Variants in CARD9 observed in about 807,000 individuals in gnomAD.
CARD9 encodes the protein caspase recruitment domain family member 9, also known as caspase recruitment domain-containing protein 9.
Under a neutral mutation model 66.0 loss-of-function variants are expected in CARD9, and 53 were observed. The ratio of observed to expected loss-of-function variants is 0.80; its 90% CI spans 0.64 to 1.01. The LOEUF (loss-of-function observed/expected upper bound fraction) is 1.01. Ranked by LOEUF, CARD9 falls within the 50% of genes least tolerant of loss-of-function variation. The pLI, the probability that CARD9 is intolerant of heterozygous loss-of-function variation, is 0.00. For missense variants in CARD9, 769 were observed against 743.2 expected, an observed-to-expected ratio of 1.03 and a Z score of -0.40; for synonymous variants, 387 against 313.8, an observed-to-expected ratio of 1.23 and a Z score of -2.47.
intron 10 of CARD9, 55 bp downstream of exon 10, chr9:136,366,745 G>A: frequency 1.9e-6 from 3 of 1,588,614 alleles, no homozygotes; most frequent in South Asian, 1.1e-5. Flanking sequence ...GCTGAAGATG[G>A]GCCTCACTTG....
Position 136,371,245 on chromosome 9 carries a change from G to A in CARD9, c.322+79C>T, listed in dbSNP as rs1324647235. The A allele has an allele frequency of 2.5e-6, 4 of 1,578,800 alleles. No individual in the cohort carries two copies. In the African/African-American group the frequency reaches 5.4e-5, roughly 21 times the overall value. ...GGAGCTCAGGGCTCCTAGGGATGGGGGCCAGGCAGAGGACCCAACACCACT... is the reference window on the plus strand; with the variant it reads ...GGAGCTCAGGGCTCCTAGGGATGGGAGCCAGGCAGAGGACCCAACACCACT... On this transcript the variant is annotated intron_variant, in intron 3 of 12. Coordinates refer to ENST00000371732, the MANE Select transcript of CARD9 (RefSeq NM_052813.5).
chr9:136,370,562 AG>A lies in CARD9; in HGVS notation c.766del (p.Leu256CysfsTer106), dbSNP rs1833240016. 6.2e-6 allele frequency: 10 copies of A among 1,610,190 alleles called. No homozygotes were observed. Among genetic ancestry groups the A allele is most frequent in the Non-Finnish European group, 8.5e-6 (10 of 1,179,138 alleles). ...CAGCTCCTGCACCCGGGCCTGGAGC[AG>A]GGCCTTCTCCTGCTGCAGCTCCCAC... Reference protein sequence around the residue: ...LLWELQQEKALLQARVQELEA... With the variant: ...LLWELQQEKAXLQARVQELEA... On this transcript the variant is annotated frameshift_variant, in exon 5 of 13. Coordinates refer to ENST00000371732, the MANE Select transcript of CARD9 (RefSeq NM_052813.5). LOFTEE classifies it high-confidence loss of function.
chr9:136,369,902 A>G, intron 6 of CARD9, 27 bp from the exon 7 acceptor site: 1 of 1,609,140 alleles, frequency 6.2e-7, no homozygotes, highest in Non-Finnish European at 8.5e-7. Context: ...CTCAGCCCCC[A>G]CAGGCCTGAG....
intron 11 of CARD9, 51 bp downstream of exon 11, chr9:136,365,090 G>C: frequency 6.4e-7 from 1 of 1,574,670 alleles, no homozygotes; most frequent in Non-Finnish European, 8.7e-7. Flanking sequence ...CCCTGTGATC[G>C]GTCACCCTGA....
chr9:136,372,019 C>A lies in CARD9; in HGVS notation c.60G>T (p.Thr20=). The part of the protein sequence containing the change: ...CWSVLEGFRV[T]LTSVIDPSRI... ...GTGAGGGGTCGATGACCGAGGTGAG[C>A]GTCACCCGGAAGCCCTCCAGGACGC... The change falls in exon 2 of 13, where the codon ACG becomes ACT. Residue 20 remains threonine, a synonymous_variant. Transcript: ENST00000371732. 6.2e-7 allele frequency: 1 copy of A among 1,612,800 alleles called. No individual in the cohort carries two copies. Among genetic ancestry groups the A allele is most frequent in the Non-Finnish European group, 8.5e-7 (1 of 1,179,956 alleles).
In CARD9 at chr9:136,369,863, T is replaced by C. The variant is rs1344488795; in HGVS notation, c.964A>G (p.Lys322Glu). 9 of 1,612,424 alleles carry C rather than the reference T, an allele frequency of 5.6e-6. No individual in the cohort carries two copies. Among genetic ancestry groups the C allele is most frequent in the Admixed American group, 1.7e-5 (1 of 60,012 alleles). ...EARRLRCMEE[K>E]EMFELQCLAL... ...AGGCACTGCAGCTCGAACATCTCCT[T>C]CTCCTCCATGCACTGCAGGGGGCGG... The change falls in exon 7 of 13, where the codon AAG (lysine) becomes GAG (glutamate). Residue 322 changes from lysine to glutamate, a missense_variant. Transcript: ENST00000371732.
intron 9 of CARD9, 95 bp from the exon 10 acceptor site, chr9:136,366,940 G>GA: frequency 7.1e-7 from 1 of 1,409,476 alleles, no homozygotes; most frequent in African/African-American, 1.4e-5. Context: ...TCAGCTGGGT[G>GA]CAGCCATTGC....
chr9:136,371,520 GGGTGGGCCTGGGGGCAGGGACA>G, intron 2 of CARD9, 59 bp from the exon 3 acceptor site: 1 of 1,477,952 alleles, frequency 6.8e-7, no homozygotes, highest in Non-Finnish European at 9.2e-7. Context: ...GGGCTGGGGT[GGGTGGGCCTGGGGGCAGGGACA>G]GGTGGAGGCT....
chr9:136,366,414 CCT>C (rs1264513308), intron 10 of CARD9: 1 of 272,948 alleles, frequency 3.7e-6, no homozygotes, highest in Non-Finnish European at 7.1e-6. Context: ...TTACCACCTC[CCT>C]CTGTCCAGGA....
At chr9:136,369,998 T>G (rs951178457) in intron 6 of CARD9, 123 bp from the exon 7 acceptor site, 14 of 1,527,212 alleles carry the variant, frequency 9.2e-6, no homozygotes, top group Non-Finnish European at 1.1e-5. Flanking sequence ...GGGGAGGCCA[T>G]AGGAGTCCCC....
rs765194133 is a variant in CARD9, at chr9:136,369,726, T to C, written c.1077+24A>G. 2.5e-6 allele frequency: 4 copies of C among 1,576,426 alleles called. No individual in the cohort carries two copies. In the African/African-American group the frequency reaches 4.0e-5, roughly 16 times the overall value. ...GCACCCACCCGCGAGTGGGGTGCTTTGTCCTGCCCCTGCGAGTGCCCACCT... is the reference window on the plus strand; with the variant it reads ...GCACCCACCCGCGAGTGGGGTGCTTCGTCCTGCCCCTGCGAGTGCCCACCT... On this transcript the variant is annotated intron_variant, in intron 7 of 12. Transcript: ENST00000371732.
Position 136,365,176 on chromosome 9 carries a change from C to A in CARD9, c.1399G>T (p.Ala467Ser), listed in dbSNP as rs2131432810. 6.2e-7 allele frequency: 1 copy of A among 1,611,438 alleles called. No individual in the cohort carries two copies. Among genetic ancestry groups the A allele is most frequent in the South Asian group, 1.1e-5 (1 of 91,040 alleles). ...GGGSPKQPFA[A>S]LHQEQVLRNP... ...CGCAAAACCTGCTCCTGGTGCAGAG[C>A]TGCAAAGGGCTGTTTCGGGCTCCCC... Residue 467 changes from alanine (A) to serine (S), a missense_variant, in exon 11 of 13, where the codon GCT (alanine) becomes TCT (serine). Physicochemically the swap from Ala to Ser is moderately conservative, Grantham distance 99. Transcript: ENST00000371732.
chr9:136,371,321 C>T lies in CARD9; in HGVS notation c.322+3G>A, dbSNP rs1455914676. The stretch of plus-strand genomic sequence containing the variant: ...TGTCGGCCCCGCCTCCCCCGTCACT[C>T]ACCGATGATCATGGAGAAGACGCGG... On this transcript the variant is annotated splice_donor_region_variant and intron_variant, in intron 3 of 12. Coordinates refer to ENST00000371732, the MANE Select transcript of CARD9 (RefSeq NM_052813.5). 2 of 1,601,566 alleles carry T rather than the reference C, an allele frequency of 1.2e-6. No individual in the cohort carries two copies. Among genetic ancestry groups the T allele is most frequent in the Non-Finnish European group, 1.7e-6 (2 of 1,174,682 alleles).
Position 136,365,216 on chromosome 9 carries a change from G to A in CARD9, c.1359C>T (p.Gly453=), listed in dbSNP as rs1489024588. ...TCGGGCTCCCCCCGCCGGCAAGGCA[G>A]CCTGGAAAGGAGAGTCGTGCCTGTG... ...DLEDTQLSDK[G]CLAGGGSPKQ... The change falls in exon 11 of 13, where the codon GGC becomes GGT. Residue 453 remains glycine (G), a splice_region_variant and synonymous_variant. Transcript: ENST00000371732. 3 of 1,608,410 alleles carry A rather than the reference G, an allele frequency of 1.9e-6. No individual in the cohort carries two copies. The highest frequency in any genetic ancestry group is 2.5e-6 in the Non-Finnish European group (3 of 1,179,872).
chr9:136,364,260 G>A lies in CARD9; in HGVS notation c.*42C>T. 2 of 1,550,614 alleles carry A rather than the reference G, an allele frequency of 1.3e-6. No individual in the cohort carries two copies. The highest frequency in any genetic ancestry group is 2.4e-5 in the East Asian group (1 of 41,060). On this transcript the variant is annotated 3_prime_UTR_variant, in exon 13 of 13. Coordinates refer to ENST00000371732, the MANE Select transcript of CARD9 (RefSeq NM_052813.5). ...CGGCACCCCCGGGTGGCAGGAGGCCGGGCCGGTGGGTGTGCCCTGGTCGGG... is the reference window on the plus strand; with the variant it reads ...CGGCACCCCCGGGTGGCAGGAGGCCAGGCCGGTGGGTGTGCCCTGGTCGGG...
In CARD9 at chr9:136,370,009, A is replaced by G. The variant is rs986663077; in HGVS notation, c.952-134T>C. ...GTCGGGGGAGGCCATAGGAGTCCCC[A>G]GGCCCCTACCAGCCCTGCACTTCCA... On this transcript the variant is annotated intron_variant, in intron 6 of 12. Coordinates refer to ENST00000371732, the MANE Select transcript of CARD9 (RefSeq NM_052813.5). The G allele has an allele frequency of 8.7e-6, 13 of 1,498,718 alleles. No homozygotes were observed. The African/African-American group carries it at 1.4e-4, about 16-fold the overall frequency. 92.8% of individuals were successfully genotyped at this position (1,498,718 alleles called of 1,614,324 possible).
At chr9:136,371,226 C>G in intron 3 of CARD9, 81 bp from the exon 4 acceptor site, 2 of 1,587,992 alleles carry the variant, frequency 1.3e-6, no homozygotes, top group African/African-American at 1.3e-5. Context: ...GGCAGGAGCT[C>G]AGGGCTCCTA....
chr9:136,367,350 A>T, intron 8 of CARD9, 93 bp from the exon 9 acceptor site: 1 of 1,409,516 alleles, frequency 7.1e-7, no homozygotes, highest in Non-Finnish European at 9.8e-7. Context: ...TCCTCCAGGG[A>T]GCCCTGGGCA....
chr9:136,370,563 G>C lies in CARD9; in HGVS notation c.766C>G (p.Leu256Val), dbSNP rs768109613. ...AGCTCCTGCACCCGGGCCTGGAGCA[G>C]GGCCTTCTCCTGCTGCAGCTCCCAC... ...LLWELQQEKA[L>V]LQARVQELEA... Residue 256 changes from leucine (L) to valine (V), a missense_variant, in exon 5 of 13, where the codon CTG becomes GTG. By Grantham distance (32) the Leu-to-Val change is conservative. Transcript: ENST00000371732. 2.5e-6 allele frequency: 4 copies of C among 1,610,216 alleles called. No individual in the cohort carries two copies. Among genetic ancestry groups the C allele is most frequent in the Non-Finnish European group, 2.5e-6 (3 of 1,179,144 alleles).
Sources: allele counts gnomAD v4.1 joint callset, GRCh38; gene constraint gnomAD v4.1.1; transcripts MANE v1.5; gene names NCBI Gene and HGNC (gene_info 2026-07-23, HGNC 2026-07-21).